DDX4: variants seen among roughly 807,000 people sequenced by gnomAD.
DDX4 encodes DEAD-box helicase 4, also known as probable ATP-dependent RNA helicase DDX4.
In DDX4, 25 loss-of-function variants were observed where a neutral mutation model predicts 100.0. The ratio of observed to expected loss-of-function variants is 0.25; its 90% CI spans 0.18 to 0.35. DDX4 has a LOEUF of 0.35. Among genes scored for constraint, DDX4 ranks in the 10% least tolerant of loss-of-function variants. The pLI is 1.00. For synonymous variants in DDX4, 259 were observed against 275.7 expected (o/e 0.94, Z 0.60); for missense variants, 635 against 882.4 (o/e 0.72, Z 3.55).
intron 10 of DDX4, among the ~76,000 whole-genome samples, chr5:55,784,622 TG>T (rs1469823472): frequency 2.0e-5 from 3 of 152,220 alleles, no homozygotes; most frequent in Non-Finnish European, 2.9e-5. Flanking sequence ...TTGTGCATTG[TG>T]GTTTTTGCTG....
At chr5:55,775,110 C>A (rs1023481663) in intron 7 of DDX4, among the ~76,000 whole-genome samples, 1 of 152,148 alleles carries the variant, frequency 6.6e-6, no homozygotes, top group Non-Finnish European at 1.5e-5. Context: ...CAAGTGGAAT[C>A]GTACAATATT....
At position 55,782,049 on chromosome 5, in the gene DDX4, T is replaced by A. The variant is rs1580565770; in HGVS notation, c.625+68T>A. On this transcript the variant is annotated intron_variant, in intron 10 of 21. Transcript: ENST00000505374. Reference sequence around the variant, plus strand: ...GTATTCCAAATTTAATTTTTTTCTGTACTTCACTGGTTGGAAACAAATTTA... The same window carrying A: ...GTATTCCAAATTTAATTTTTTTCTGAACTTCACTGGTTGGAAACAAATTTA... The A allele has an allele frequency of 4.5e-6, 7 of 1,562,026 alleles. No individual in the cohort carries two copies. The East Asian group carries it at 1.6e-4, about 36-fold the overall frequency.
intron 15 of DDX4, among the ~76,000 whole-genome samples, chr5:55,788,902 CA>C (rs1335275253): frequency 6.6e-6 from 1 of 152,040 alleles, no homozygotes; most frequent in Admixed American, 6.5e-5. Flanking sequence ...CCCATCTCTA[CA>C]AAAAAGAACA....
At chr5:55,778,249 CAGTA>C (rs973553638) in intron 7 of DDX4, among the ~76,000 whole-genome samples, 1 of 151,942 alleles carries the variant, frequency 6.6e-6, no homozygotes, top group Non-Finnish European at 1.5e-5. Context: ...AATTTAATAA[CAGTA>C]AGAACAGAGC....
chr5:55,785,425 T>G, intron 11 of DDX4, 22 bp from the exon 12 acceptor site: 1 of 1,603,858 alleles, frequency 6.2e-7, no homozygotes, highest in Non-Finnish European at 8.5e-7. Flanking sequence ...ATGTATCTCT[T>G]TTTTATTTGA....
At chr5:55,812,617 G>C (rs189864526) in intron 18 of DDX4, among the ~76,000 whole-genome samples, 209 of 152,024 alleles carry the variant, frequency 1.4e-3, no homozygotes, top group Middle Eastern at 0.01. Context: ...GCATTTCTCA[G>C]AGGCTTAGAC....
At chr5:55,789,110 A>G (rs1287274058) in intron 15 of DDX4, among the ~76,000 whole-genome samples, 1 of 152,218 alleles carries the variant, frequency 6.6e-6, no homozygotes, top group Admixed American at 6.5e-5. Flanking sequence ...CTTAGAATAG[A>G]GTTTTATCAA....
At chr5:55,796,993 C>G (rs958997843) in intron 17 of DDX4, among the ~76,000 whole-genome samples, 1 of 151,596 alleles carries the variant, frequency 6.6e-6, no homozygotes, top group Admixed American at 6.6e-5. Flanking sequence ...TACAGGCATG[C>G]GCATACACAC....
Position 55,811,840 on chromosome 5 carries a change from A to G in DDX4, c.1616-1833A>G, listed in dbSNP as rs1011871929. 1.3e-4 allele frequency among the ~76,000 whole-genome samples: 20 copies of G among 152,316 alleles called. 1 individual carries two copies. Among genetic ancestry groups the G allele is most frequent in the African/African-American group, 4.3e-4 (18 of 41,580 alleles). ...TAAATACTGTTGAATAAATGACTAA[A>G]TTTAGTTGAACACAGATTTCCGTTT... On this transcript the variant is annotated intron_variant, in intron 18 of 21. Transcript: ENST00000505374.
Position 55,809,662 on chromosome 5 carries a change from A to T in DDX4, c.1616-4011A>T, listed in dbSNP as rs185450341. On this transcript the variant is annotated intron_variant, in intron 18 of 21. Transcript: ENST00000505374. ...ATAAAGTGTCAGTTTGTTCCAGAAC[A>T]TTGAAAAAGCACAATGAAAGACAAA... Among the ~76,000 whole-genome samples the T allele has an allele frequency of 4.6e-5, 7 of 152,324 alleles. No homozygotes were observed. In the East Asian group the frequency reaches 1.3e-3, roughly 29 times the overall value.
intron 3 of DDX4, among the ~76,000 whole-genome samples, chr5:55,751,784 A>C (rs1011997697): frequency 6.6e-6 from 1 of 152,178 alleles, no homozygotes; most frequent in Admixed American, 6.6e-5. Flanking sequence ...ATTAATCAAA[A>C]ATTTAATTCT....
At chr5:55,741,422 AG>A (rs935741909) in intron 2 of DDX4, among the ~76,000 whole-genome samples, 1 of 152,204 alleles carries the variant, frequency 6.6e-6, no homozygotes, top group Non-Finnish European at 1.5e-5. Flanking sequence ...TTGTGCCATT[AG>A]TTCTATGCTT....
At chr5:55,776,508 TAA>T (rs1741575089) in intron 7 of DDX4, among the ~76,000 whole-genome samples, 1 of 152,336 alleles carries the variant, frequency 6.6e-6, no homozygotes, top group Admixed American at 6.5e-5. Context: ...AAAGATTTTT[TAA>T]AACCTATAAA....
At chr5:55,761,389 T>C (rs922641844) in intron 4 of DDX4, among the ~76,000 whole-genome samples, 1 of 152,146 alleles carries the variant, frequency 6.6e-6, no homozygotes, top group Non-Finnish European at 1.5e-5. Flanking sequence ...CTAAATATTA[T>C]TGAATAAAAC....
chr5:55,808,035 C>T (rs561489721), intron 18 of DDX4, among the ~76,000 whole-genome samples: 30 of 152,160 alleles, frequency 2.0e-4, no homozygotes, highest in East Asian at 1.2e-3. Flanking sequence ...TCTTTTTTCT[C>T]GAAACTTCTC....
rs1377003326 is a variant in DDX4, at chr5:55,798,282, G to GGT, written c.1470-142_1470-141dup. 4 of 793,032 alleles carry GGT rather than the reference G, an allele frequency of 5.0e-6. No homozygotes were observed. In the African/African-American group the frequency reaches 7.0e-5, roughly 14 times the overall value. The allele number at this position is 793,032 out of a possible 1,614,324, so 49.1% of individuals were successfully genotyped here. A position where few individuals can be genotyped will look rare whatever the true frequency, so the allele number is the denominator to read the frequency against. On this transcript the variant is annotated intron_variant, in intron 17 of 21. Transcript: ENST00000505374. Reference sequence around the variant, plus strand: ...TACTGATCTTTCACAATAGTACTTGGGTGATATAAGTAACCAACCATCTTA... The same window carrying GGT: ...TACTGATCTTTCACAATAGTACTTGGGTGTGATATAAGTAACCAACCATCTTA...
At position 55,816,564 on chromosome 5, in the gene DDX4, TG is replaced by T. The variant is rs1744434530; in HGVS notation, c.*26del. On this transcript the variant is annotated 3_prime_UTR_variant, in exon 22 of 22. Coordinates refer to ENST00000505374, the MANE Select transcript of DDX4 (RefSeq NM_024415.3). ...AAAGCCAAAACATCCTTCAAGTCTG[TG>T]GTTTTGATGCAGAGAAGAAAATAGT... is the stretch of plus-strand genomic sequence containing the variant. 1 of 1,604,854 alleles carries T rather than the reference TG, an allele frequency of 6.2e-7. No individual in the cohort carries two copies. Among genetic ancestry groups the T allele is most frequent in the African/African-American group, 1.3e-5 (1 of 74,382 alleles).
At chr5:55,742,839 T>C (rs1378387046) in intron 2 of DDX4, among the ~76,000 whole-genome samples, 3 of 152,166 alleles carry the variant, frequency 2.0e-5, no homozygotes, top group African/African-American at 7.2e-5. Flanking sequence ...CAAATAATTA[T>C]AGTGAAAAGT....
intron 18 of DDX4, among the ~76,000 whole-genome samples, chr5:55,808,483 A>T (rs901715353): frequency 1.1e-4 from 16 of 152,196 alleles, no homozygotes; most frequent in Non-Finnish European, 2.9e-5. Flanking sequence ...GGTGACGTAC[A>T]GATGGGGTTT....
Sources: gnomAD v4.1 joint callset for allele counts (sites outside exome capture counted in the v4.1 genomes callset) on GRCh38, gnomAD v4.1.1 for gene constraint, MANE v1.5 for transcripts, NCBI Gene and HGNC (gene_info 2026-07-23, HGNC 2026-07-21) for gene names.